The following ARSB variants were observed in gnomAD, a reference collection of about 807,000 sequenced individuals.
ARSB encodes the protein arylsulfatase B.
ARSB carries 41 observed loss-of-function variants against 50.9 expected under a neutral mutation model. The observed-to-expected ratio is 0.81, with a 90% CI of 0.63 to 1.04. The LOEUF is 1.04. Among genes scored for constraint, ARSB ranks in the 50% least tolerant of loss-of-function variants. ARSB has a pLI of 0.00. For synonymous variants in ARSB, 269 were observed against 284.8 expected, an observed-to-expected ratio of 0.94 and a Z score of 0.56; for missense variants, 672 against 693.3, an observed-to-expected ratio of 0.97 and a Z score of 0.35.
chr5:78,976,251 C>G (rs1345249664), intron 1 of ARSB, among the ~76,000 whole-genome samples: 1 of 144,944 alleles, frequency 6.9e-6, no homozygotes, highest in African/African-American at 2.5e-5. Flanking sequence ...GAATGTATTT[C>G]CTGGAGATGA....
At chr5:78,953,338 T>C (rs1751566435) in intron 4 of ARSB, among the ~76,000 whole-genome samples, 1 of 152,262 alleles carries the variant, frequency 6.6e-6, no homozygotes, top group Non-Finnish European at 1.5e-5. Context: ...AGCCAGGCTC[T>C]GCCTGGCTGC....
intron 2 of ARSB, among the ~76,000 whole-genome samples, chr5:78,967,699 AAT>A (rs1440689281): frequency 3.3e-5 from 5 of 152,036 alleles, no homozygotes. Flanking sequence ...AGAAATTTCA[AAT>A]ATCAGAGATG....
intron 6 of ARSB, among the ~76,000 whole-genome samples, chr5:78,782,785 G>A (rs75973174): frequency 0.022 from 3,304 of 152,240 alleles, 114 homozygotes; most frequent in African/African-American, 0.075. Flanking sequence ...GTTTGTAACT[G>A]ACCCTTGACT....
chr5:78,885,950 G>GCCTTTTCCCACCCTAAATTC, intron 4 of ARSB, 123 bp from the exon 5 acceptor site: 1 of 1,490,360 alleles, frequency 6.7e-7, no homozygotes, highest in Non-Finnish European at 9.2e-7. Context: ...AAAATTCCTT[G>GCCTTTTCCCACCCTAAATTC]CCTTTTCCCA....
intron 4 of ARSB, 98 bp from the exon 5 acceptor site, chr5:78,885,925 A>G (rs1340815337): frequency 6.3e-7 from 1 of 1,577,052 alleles, no homozygotes; most frequent in African/African-American, 1.4e-5. Context: ...TGGTGCTTAA[A>G]TAATAAAAAA....
At chr5:78,953,456 T>G (rs142407162) in intron 4 of ARSB, among the ~76,000 whole-genome samples, 203 of 152,358 alleles carry the variant, frequency 1.3e-3, no homozygotes, top group African/African-American at 4.6e-3. Flanking sequence ...TTCACTGAAC[T>G]AATTCGCATG....
intron 5 of ARSB, chr5:78,883,487 T>C (rs1170909520): frequency 2.0e-5 from 3 of 151,970 alleles, no homozygotes; most frequent in African/African-American, 7.3e-5. Context: ...ATAATATGAC[T>C]CATAAGAACC....
intron 4 of ARSB, among the ~76,000 whole-genome samples, chr5:78,915,180 C>G (rs567398683): frequency 7.9e-5 from 12 of 152,272 alleles, no homozygotes; most frequent in Admixed American, 2.0e-4. Context: ...TTTCTGCTTC[C>G]CAGTCATTTC....
chr5:78,816,988 G>T, intron 6 of ARSB: 2 of 698,310 alleles, frequency 2.9e-6, no homozygotes, highest in Non-Finnish European at 3.5e-6. Flanking sequence ...CTACAGAACT[G>T]TGAGGTAGTA....
chr5:78,970,759 GCCTGGGC>G (rs1752419267), intron 1 of ARSB, among the ~76,000 whole-genome samples: 1 of 152,146 alleles, frequency 6.6e-6, no homozygotes, highest in Non-Finnish European at 1.5e-5. Context: ...TTCCAGACCA[GCCTGGGC>G]AACATGCCAT....
intron 3 of ARSB, among the ~76,000 whole-genome samples, chr5:78,956,561 C>G (rs899172679): frequency 6.6e-6 from 1 of 151,936 alleles, no homozygotes; most frequent in Non-Finnish European, 1.5e-5. Flanking sequence ...ACAAAAGACA[C>G]AAGACAAAAA....
intron 4 of ARSB, among the ~76,000 whole-genome samples, chr5:78,906,154 C>T (rs1407559054): frequency 1.4e-5 from 2 of 145,336 alleles, no homozygotes; most frequent in Non-Finnish European, 3.0e-5. Flanking sequence ...CAATCGCTAA[C>T]CAAACATAAA....
At chr5:78,976,798 C>T (rs1752690561) in intron 1 of ARSB, among the ~76,000 whole-genome samples, 1 of 152,094 alleles carries the variant, frequency 6.6e-6, no homozygotes, top group Non-Finnish European at 1.5e-5. Flanking sequence ...AAAACTGACA[C>T]AAAAAAAGTT....
intron 4 of ARSB, among the ~76,000 whole-genome samples, chr5:78,899,639 T>C (rs902770401): frequency 6.6e-6 from 1 of 152,236 alleles, no homozygotes; most frequent in Non-Finnish European, 1.5e-5. Context: ...GTTTGGCAAA[T>C]GTATTTCTCA....
intron 6 of ARSB, among the ~76,000 whole-genome samples, chr5:78,828,084 A>T (rs12654847): frequency 0.15 from 23,384 of 152,020 alleles, 1,931 homozygotes; most frequent in South Asian, 0.17. Context: ...TAAAGAGTAT[A>T]AAAAAAATCT....
chr5:78,956,762 G>T (rs2112488742), intron 3 of ARSB, among the ~76,000 whole-genome samples: 1 of 152,180 alleles, frequency 6.6e-6, no homozygotes, highest in Admixed American at 6.5e-5. Flanking sequence ...GTTAACTGAG[G>T]CTTAGAAAGG....
intron 3 of ARSB, among the ~76,000 whole-genome samples, chr5:78,957,288 G>C (rs967183744): frequency 6.6e-6 from 1 of 152,082 alleles, no homozygotes; most frequent in Non-Finnish European, 1.5e-5. Context: ...TTTGGTGGGG[G>C]GGTGGTGCTC....
chr5:78,823,836 A>G (rs1290604687), intron 6 of ARSB, among the ~76,000 whole-genome samples: 1 of 152,262 alleles, frequency 6.6e-6, no homozygotes, highest in Non-Finnish European at 1.5e-5. Context: ...AAGATAATGT[A>G]AATTGCTATA....
intron 6 of ARSB, among the ~76,000 whole-genome samples, chr5:78,813,022 A>C (rs762210173): frequency 1.3e-5 from 2 of 152,156 alleles, no homozygotes; most frequent in African/African-American, 4.8e-5. Flanking sequence ...GATGATAAAA[A>C]AGTTTACAAA....
Sources: allele counts gnomAD v4.1 joint callset (sites outside exome capture counted in the v4.1 genomes callset), GRCh38; gene constraint gnomAD v4.1.1; transcripts MANE v1.5; gene names NCBI Gene and HGNC (gene_info 2026-07-23, HGNC 2026-07-21).